The following MON2 variants were observed in gnomAD, a reference collection of about 807,000 sequenced individuals.
MON2 encodes protein MON2 homolog.
In MON2, 84 loss-of-function variants were observed where a neutral mutation model predicts 208.6. The observed-to-expected ratio is 0.40, with a 90% CI of 0.34 to 0.48. The LOEUF (loss-of-function observed/expected upper bound fraction) is 0.48, where lower values mean the gene tolerates loss of function less well. Ranked by LOEUF, MON2 falls within the 20% of genes least tolerant of loss-of-function variation. The pLI, the probability that MON2 is intolerant of heterozygous loss-of-function variation, is 0.59. For synonymous variants in MON2, 660 were observed against 694.0 expected (o/e 0.95, Z 0.77); for missense variants, 1,611 against 2,015.4 (o/e 0.80, Z 3.84).
intron 32 of MON2, 67 bp downstream of exon 32, chr12:62,580,487 TTTAATCC>T (rs1442231176): frequency 7.3e-7 from 1 of 1,377,794 alleles, no homozygotes; most frequent in Admixed American, 2.0e-5. Flanking sequence ...AGTAGAAATG[TTTAATCC>T]TATGATTTTG....
At chr12:62,514,151 T>C (rs978292577) in intron 8 of MON2, among the ~76,000 whole-genome samples, 15 of 152,196 alleles carry the variant, frequency 9.9e-5, no homozygotes, top group Admixed American at 7.2e-4. Flanking sequence ...ATCCTGGATT[T>C]CATTTTCCAT....
chr12:62,539,513 C>T (rs149564339), intron 19 of MON2, among the ~76,000 whole-genome samples: 2,768 of 151,292 alleles, frequency 0.018, 91 homozygotes, highest in African/African-American at 0.063. Context: ...GTGATCCGCC[C>T]GCCTCAGCCT....
At chr12:62,573,072 T>C (rs2074655157) in intron 30 of MON2, among the ~76,000 whole-genome samples, 1 of 152,240 alleles carries the variant, frequency 6.6e-6, no homozygotes, top group Non-Finnish European at 1.5e-5. Flanking sequence ...CAGGTGATCC[T>C]AATTTCTGTC....
chr12:62,543,976 G>A (rs1000315791), intron 20 of MON2, among the ~76,000 whole-genome samples: 2 of 152,138 alleles, frequency 1.3e-5, no homozygotes, highest in Non-Finnish European at 2.9e-5. Flanking sequence ...GATAGTGCTG[G>A]AGAATTTTAC....
intron 1 of MON2, among the ~76,000 whole-genome samples, chr12:62,472,735 C>A (rs1316375450): frequency 6.6e-6 from 1 of 152,178 alleles, no homozygotes; most frequent in East Asian, 1.9e-4. Context: ...TTTGCACGAC[C>A]TTATGACATT....
Position 62,578,513 on chromosome 12 carries a change from G to A in MON2, c.4575+8G>A. The A allele has an allele frequency of 6.7e-7, 1 of 1,486,452 alleles. No homozygotes were observed. Among genetic ancestry groups the A allele is most frequent in the Non-Finnish European group, 9.2e-7 (1 of 1,087,948 alleles). 92.1% of individuals were successfully genotyped at this position (1,486,452 alleles called of 1,614,324 possible). On this transcript the variant is annotated splice_region_variant and intron_variant, in intron 31 of 34. Transcript: ENST00000393630. The stretch of plus-strand genomic sequence containing the variant: ...GAAAATATTGATGTCGAGGTAAGGA[G>A]GCTATTTAAAATGTTTTCCTGTGAC...
intron 3 of MON2, among the ~76,000 whole-genome samples, chr12:62,494,529 T>C (rs552274210): frequency 6.6e-6 from 1 of 152,318 alleles, no homozygotes; most frequent in African/African-American, 2.4e-5. Flanking sequence ...ATAAGTACTA[T>C]AGTAGAAGTG....
chr12:62,500,589 G>T (rs909506466), intron 5 of MON2, among the ~76,000 whole-genome samples, 194 bp from the exon 6 acceptor site: 10 of 152,056 alleles, frequency 6.6e-5, no homozygotes, highest in Non-Finnish European at 1.5e-4. Context: ...GATTTTTATG[G>T]TATTTGGTGT....
At chr12:62,528,671 A>T (rs566620022) in intron 11 of MON2, among the ~76,000 whole-genome samples, 1 of 152,196 alleles carries the variant, frequency 6.6e-6, no homozygotes, top group South Asian at 2.1e-4. Context: ...GATGTTTTGG[A>T]TTATTTTATG....
chr12:62,514,638 A>G (rs1007078351), intron 8 of MON2, among the ~76,000 whole-genome samples: 4 of 152,182 alleles, frequency 2.6e-5, no homozygotes, highest in African/African-American at 9.6e-5. Context: ...CTCCCAGAAC[A>G]CGTGGGAATT....
chr12:62,590,633 C>A (rs1216677244), intron 34 of MON2, among the ~76,000 whole-genome samples: 3 of 152,134 alleles, frequency 2.0e-5, no homozygotes, highest in Non-Finnish European at 4.4e-5. Flanking sequence ...TCTAATACTC[C>A]CCCATCCCGG....
rs1490490684 is a variant in MON2, at chr12:62,549,679, T to C, written c.2765T>C (p.Ile922Thr). Residue 922 changes from isoleucine to threonine, a missense_variant, in exon 23 of 35, where the codon ATA becomes ACA. Transcript: ENST00000393630. ...AIRNDQGESL[I>T]RTAFQCLQLV... The stretch of plus-strand genomic sequence containing the variant: ...TCTTTTGTTTTCAGAGAATCCTTGA[T>C]ACGAACTGCATTCCAGTGTCTTCAG... The C allele has an allele frequency of 6.3e-7, 1 of 1,594,216 alleles. No homozygotes were observed. The highest frequency in any genetic ancestry group is 2.2e-5 in the East Asian group (1 of 44,648).
chr12:62,514,941 C>T (rs2071613136), intron 8 of MON2, among the ~76,000 whole-genome samples: 1 of 152,148 alleles, frequency 6.6e-6, no homozygotes, highest in Non-Finnish European at 1.5e-5. Flanking sequence ...GGCTTATGCC[C>T]ATGAGTGGTC....
At chr12:62,552,636 T>C (rs1372242713) in intron 23 of MON2, among the ~76,000 whole-genome samples, 3 of 152,022 alleles carry the variant, frequency 2.0e-5, no homozygotes, top group Non-Finnish European at 4.4e-5. Flanking sequence ...CTTGACATTT[T>C]TTATAATAAA....
chr12:62,468,691 A>AT (rs536644993), intron 1 of MON2, among the ~76,000 whole-genome samples: 1 of 151,934 alleles, frequency 6.6e-6, no homozygotes, highest in Non-Finnish European at 1.5e-5. Context: ...ATTGATTTTC[A>AT]TTTTTTTTAT....
rs773496740 is a variant in MON2, at chr12:62,571,373, A to G, written c.4324-19A>G. ...GTATGTTTTAATTAATGCTTATATT[A>G]AACTGTCTTTATTTTCAGACTCTTA... On this transcript the variant is annotated intron_variant, in intron 29 of 34. Coordinates refer to ENST00000393630, the MANE Select transcript of MON2 (RefSeq NM_015026.3). 11 of 1,505,340 alleles carry G rather than the reference A, an allele frequency of 7.3e-6. No homozygotes were observed. Among genetic ancestry groups the G allele is most frequent in the Non-Finnish European group, 9.9e-6 (11 of 1,115,146 alleles). The allele number at this position is 1,505,340 out of a possible 1,614,324, so 93.2% of individuals were successfully genotyped here. A position where few individuals can be genotyped will look rare whatever the true frequency, so the allele number is the denominator to read the frequency against.
At position 62,524,332 on chromosome 12, in the gene MON2, T is replaced by G. The variant is rs376019801; in HGVS notation, c.985-183T>G. ...AGAGAAACACTGTGATTATTTTTAC[T>G]GTTAATGTTTCCATGTATAACTACA... On this transcript the variant is annotated intron_variant, in intron 8 of 34. Coordinates refer to ENST00000393630, the MANE Select transcript of MON2 (RefSeq NM_015026.3). Among the ~76,000 whole-genome samples the G allele has an allele frequency of 7.2e-5, 11 of 152,302 alleles. No individual in the cohort carries two copies. The East Asian group carries it at 1.2e-3, about 16-fold the overall frequency.
intron 32 of MON2, among the ~76,000 whole-genome samples, chr12:62,581,509 C>T (rs932080111): frequency 6.6e-6 from 1 of 152,104 alleles, no homozygotes; most frequent in Non-Finnish European, 1.5e-5. Flanking sequence ...TATGATTGTA[C>T]CACTGCATTT....
At chr12:62,471,358 AT>A (rs1298108242) in intron 1 of MON2, among the ~76,000 whole-genome samples, 1 of 151,910 alleles carries the variant, frequency 6.6e-6, no homozygotes, top group East Asian at 1.9e-4. Flanking sequence ...AATTTTTTGT[AT>A]TTTTAATAGA....
Sources: gnomAD v4.1 joint callset for allele counts (sites outside exome capture counted in the v4.1 genomes callset) on GRCh38, gnomAD v4.1.1 for gene constraint, MANE v1.5 for transcripts, NCBI Gene and HGNC (gene_info 2026-07-23, HGNC 2026-07-21) for gene names.